Variants in CATSPERB observed in about 807,000 individuals in gnomAD.
The protein encoded by CATSPERB is cation channel sperm-associated auxiliary subunit beta.
In CATSPERB, 93 loss-of-function variants were observed where a neutral mutation model predicts 128.3. The ratio of observed to expected loss-of-function variants is 0.72; its 90% CI spans 0.61 to 0.86. CATSPERB has a LOEUF of 0.86. Among genes scored for constraint, CATSPERB ranks in the 40% least tolerant of loss-of-function variants. The probability of loss-of-function intolerance (pLI) is 0.00; values close to 1 mark genes in which losing one functional copy is unlikely to be tolerated. For synonymous variants in CATSPERB, 381 were observed against 448.8 expected, an observed-to-expected ratio of 0.85 and a Z score of 1.91; for missense variants, 1,153 against 1,329.5, an observed-to-expected ratio of 0.87 and a Z score of 2.06.
intron 17 of CATSPERB, among the ~76,000 whole-genome samples, chr14:91,631,122 T>C (rs974134298): frequency 3.3e-5 from 5 of 152,238 alleles, no homozygotes; most frequent in African/African-American, 1.2e-4. Flanking sequence ...GATATGAATT[T>C]GTTTTGGTTT....
At chr14:91,650,194 G>A (rs1894679269) in intron 15 of CATSPERB, among the ~76,000 whole-genome samples, 1 of 152,104 alleles carries the variant, frequency 6.6e-6, no homozygotes, top group Admixed American at 6.5e-5. Flanking sequence ...TTATAAATCA[G>A]TTATTTATAA....
intron 16 of CATSPERB, 144 bp from the exon 17 acceptor site, chr14:91,636,723 G>T: frequency 1.4e-6 from 1 of 722,692 alleles, no homozygotes; most frequent in Non-Finnish European, 2.2e-6. Flanking sequence ...AACGTGTTCT[G>T]TTGGAACATC....
intron 13 of CATSPERB, among the ~76,000 whole-genome samples, chr14:91,671,577 C>T (rs1022086605): frequency 3.4e-5 from 5 of 148,368 alleles, no homozygotes; most frequent in Non-Finnish European, 7.5e-5. Context: ...GGCAGCAGAG[C>T]GAGACCCCAT....
At chr14:91,725,058 A>T in intron 3 of CATSPERB, 22 bp downstream of exon 3, 1 of 1,292,416 alleles carries the variant, frequency 7.7e-7, no homozygotes, top group Non-Finnish European at 1.1e-6. Flanking sequence ...GGGTTATAAC[A>T]CATGCTATTA....
In CATSPERB at chr14:91,586,061, G is replaced by T. The variant is rs970391174; in HGVS notation, c.3132+1141C>A. On this transcript the variant is annotated intron_variant, in intron 26 of 26. Coordinates refer to ENST00000256343, the MANE Select transcript of CATSPERB (RefSeq NM_024764.4). ...TTGGTACCTGTGCCACTCAGGAGCT[G>T]CTCTGAAACTAGAGGATGTTTACTT... Among the ~76,000 whole-genome samples, 73 of 152,306 alleles carry T rather than the reference G, an allele frequency of 4.8e-4. 1 individual carries two copies. In the Middle Eastern group the frequency reaches 0.01, roughly 21 times the overall value.
chr14:91,610,606 T>C lies in CATSPERB; in HGVS notation c.2472A>G (p.Thr824=). The change falls in exon 21 of 27, where the codon ACA becomes ACG. Residue 824 remains threonine, a synonymous_variant. Coordinates refer to ENST00000256343, the MANE Select transcript of CATSPERB (RefSeq NM_024764.4). ...TECFVTTMVP[T]LKSSCSYLRS... is the part of the protein sequence containing the mutation. Reference sequence around the variant, plus strand: ...TGAGATAACTACAGCTGCTTTTCAGTGTTGGCACCATTGTCGTAACAAAGC... The same window carrying C: ...TGAGATAACTACAGCTGCTTTTCAGCGTTGGCACCATTGTCGTAACAAAGC... The C allele has an allele frequency of 6.2e-7, 1 of 1,613,220 alleles. No homozygotes were observed. The highest frequency in any genetic ancestry group is 8.5e-7 in the Non-Finnish European group (1 of 1,179,340).
chr14:91,623,558 AT>A (rs1020391325), intron 18 of CATSPERB, among the ~76,000 whole-genome samples: 6 of 152,294 alleles, frequency 3.9e-5, no homozygotes, highest in Admixed American at 2.0e-4. Flanking sequence ...CCAGACTTGT[AT>A]TTCTAAGTGC....
chr14:91,614,036 T>C (rs1360255405), intron 20 of CATSPERB, among the ~76,000 whole-genome samples: 1 of 152,196 alleles, frequency 6.6e-6, no homozygotes, highest in Non-Finnish European at 1.5e-5. Context: ...CAGCCAGCTC[T>C]GAGTGTATTG....
chr14:91,586,149 T>C lies in CATSPERB; in HGVS notation c.3132+1053A>G, dbSNP rs193083893. On this transcript the variant is annotated intron_variant, in intron 26 of 26. Coordinates refer to ENST00000256343, the MANE Select transcript of CATSPERB (RefSeq NM_024764.4). ...GTGTGCCCTGGTCATATGCAGCTTC[T>C]TCCTGGTGCTAGTTTACATAAAGAA... Among the ~76,000 whole-genome samples the C allele has an allele frequency of 6.2e-4, 95 of 152,308 alleles. 1 individual carries two copies. Among genetic ancestry groups the C allele is most frequent in the Non-Finnish European group, 2.9e-5 (2 of 68,022 alleles).
intron 10 of CATSPERB, among the ~76,000 whole-genome samples, chr14:91,690,282 C>T (rs530336159): frequency 7.2e-5 from 11 of 152,178 alleles, no homozygotes; most frequent in South Asian, 2.1e-4. Context: ...CGTGGGCTAT[C>T]GCGCCTGGCC....
intron 3 of CATSPERB, among the ~76,000 whole-genome samples, chr14:91,723,672 C>T (rs75506123): frequency 0.022 from 3,354 of 152,148 alleles, 120 homozygotes; most frequent in African/African-American, 0.077. Flanking sequence ...TACTTAAGAT[C>T]GCTTTGGGCA....
chr14:91,702,948 T>A (rs1198819155), intron 7 of CATSPERB, among the ~76,000 whole-genome samples: 2 of 151,986 alleles, frequency 1.3e-5, no homozygotes, highest in African/African-American at 4.8e-5. Context: ...TGGGATTTCT[T>A]ACCTTAATAG....
At chr14:91,685,810 A>AGGCAGGATGGCTGCAGTAGG (rs987280480) in intron 10 of CATSPERB, among the ~76,000 whole-genome samples, 7 of 152,342 alleles carry the variant, frequency 4.6e-5, no homozygotes, top group South Asian at 4.1e-4. Context: ...TAGCATGGCC[A>AGGCAGGATGGCTGCAGTAGG]GGCAGGATGG....
At chr14:91,705,981 A>G (rs1895726070) in intron 6 of CATSPERB, among the ~76,000 whole-genome samples, 1 of 152,228 alleles carries the variant, frequency 6.6e-6, no homozygotes, top group African/African-American at 2.4e-5. Flanking sequence ...AAGAGTACAA[A>G]AAGTAAGCCA....
intron 26 of CATSPERB, among the ~76,000 whole-genome samples, chr14:91,585,699 C>A (rs146672145): frequency 2.3e-4 from 35 of 152,190 alleles, no homozygotes; most frequent in African/African-American, 7.5e-4. Flanking sequence ...GATGTCTTTT[C>A]TCTTCAGAAT....
At chr14:91,600,680 G>T (rs1209918692) in intron 22 of CATSPERB, among the ~76,000 whole-genome samples, 1 of 152,212 alleles carries the variant, frequency 6.6e-6, no homozygotes, top group Non-Finnish European at 1.5e-5. Context: ...TTTTAAGCCA[G>T]AAAAATGAGA....
chr14:91,646,938 G>T (rs1894617072), intron 15 of CATSPERB, among the ~76,000 whole-genome samples: 1 of 152,208 alleles, frequency 6.6e-6, no homozygotes, highest in African/African-American at 2.4e-5. Context: ...ATCATGAATG[G>T]CTGGGAGCAG....
At chr14:91,719,095 T>C (rs1895989092) in intron 5 of CATSPERB, among the ~76,000 whole-genome samples, 2 of 152,216 alleles carry the variant, frequency 1.3e-5, no homozygotes, top group Admixed American at 6.5e-5. Flanking sequence ...ATGATTCATC[T>C]TCAGTAAAAT....
At chr14:91,678,602 C>T (rs1895229857) in intron 11 of CATSPERB, among the ~76,000 whole-genome samples, 1 of 152,082 alleles carries the variant, frequency 6.6e-6, no homozygotes, top group African/African-American at 2.4e-5. Context: ...GCACATGCAT[C>T]TTTGATAAAT....
Sources: allele counts gnomAD v4.1 joint callset (sites outside exome capture counted in the v4.1 genomes callset), GRCh38; gene constraint gnomAD v4.1.1; transcripts MANE v1.5; gene names NCBI Gene and HGNC (gene_info 2026-07-23, HGNC 2026-07-21).